TRIP12: variants seen among roughly 807,000 people sequenced by gnomAD.
TRIP12 encodes E3 ubiquitin-protein ligase TRIP12.
In TRIP12, 25 loss-of-function variants were observed where a neutral mutation model predicts 244.2. That is an observed-to-expected ratio of 0.10 (90% CI 0.07 to 0.14). The LOEUF is 0.14. TRIP12 is among the 10% of genes least tolerant of loss of function. TRIP12 has a pLI of 1.00. For synonymous variants in TRIP12, 905 were observed against 873.1 expected (o/e 1.04, Z -0.64); for missense variants, 1,677 against 2,486.4 (o/e 0.67, Z 6.92).
intron 39 of TRIP12, 98 bp downstream of exon 39, chr2:229,771,421 T>C (rs1272894627): frequency 1.5e-5 from 14 of 961,114 alleles, no homozygotes; most frequent in Non-Finnish European, 2.0e-5. Context: ...ACCCATTTTT[T>C]TGTTTTTGTG....
chr2:229,879,711 G>A (rs886417970), intron 2 of TRIP12, among the ~76,000 whole-genome samples: 1 of 152,230 alleles, frequency 6.6e-6, no homozygotes, highest in Non-Finnish European at 1.5e-5. Context: ...ACGAAGTGAA[G>A]AGAAAGGGCA....
At chr2:229,783,046 C>T (rs932692615) in intron 34 of TRIP12, among the ~76,000 whole-genome samples, 18 of 152,178 alleles carry the variant, frequency 1.2e-4, no homozygotes, top group Admixed American at 3.9e-4. Flanking sequence ...ATTTTATTCA[C>T]GGATGATATA....
At chr2:229,880,262 T>C (rs541660712) in intron 1 of TRIP12, 134 bp from the exon 2 acceptor site, 24 of 609,676 alleles carry the variant, frequency 3.9e-5, no homozygotes, top group Admixed American at 1.2e-4. Flanking sequence ...CATGCTGCAA[T>C]GTCTCACTGA....
At chr2:229,854,879 G>A (rs917084491) in intron 4 of TRIP12, among the ~76,000 whole-genome samples, 2 of 152,016 alleles carry the variant, frequency 1.3e-5, no homozygotes, top group African/African-American at 2.4e-5. Flanking sequence ...GTTTTAACTC[G>A]GCTTTGTCAC....
intron 2 of TRIP12, among the ~76,000 whole-genome samples, chr2:229,870,577 G>C (rs913846164): frequency 2.6e-5 from 4 of 152,128 alleles, no homozygotes; most frequent in Admixed American, 2.6e-4. Flanking sequence ...TTGAAAGACT[G>C]GCAGAATTTC....
At position 229,778,381 on chromosome 2, in the gene TRIP12, G is replaced by A; in HGVS notation, c.5364+52C>T. 3 of 1,605,938 alleles carry A rather than the reference G, an allele frequency of 1.9e-6. No individual in the cohort carries two copies. The highest frequency in any genetic ancestry group is 2.6e-6 in the Non-Finnish European group (3 of 1,174,038). On this transcript the variant is annotated intron_variant, in intron 36 of 41. Coordinates refer to ENST00000675903, the MANE Select transcript of TRIP12 (RefSeq NM_001348323.3). The surrounding 1 kb of genome is among the most constrained non-coding windows in gnomAD (Gnocchi z 4.1). ...TAAACTACAGGGGACTGAGGTACTT[G>A]CACAGAACATTCTACACCAAAACTG...
At chr2:229,923,010 GA>G, upstream of TRIP12, 1 of 174,440 alleles carries the variant, frequency 5.7e-6, no homozygotes. Flanking sequence ...CTAGGGAGGG[GA>G]AAAGGAGATT....
Position 229,798,863 on chromosome 2 carries a change from C to T in TRIP12, c.3482+12G>A, listed in dbSNP as rs1411789986. On this transcript the variant is annotated intron_variant, in intron 23 of 41. Coordinates refer to ENST00000675903, the MANE Select transcript of TRIP12 (RefSeq NM_001348323.3). ...TGGGAATAGAAGAAACATAAAACTC[C>T]CCCCACTTCACCTATTATTGGAGAT... is the stretch of plus-strand genomic sequence containing the variant. 8 of 1,609,562 alleles carry T rather than the reference C, an allele frequency of 5.0e-6. No homozygotes were observed. Among genetic ancestry groups the T allele is most frequent in the Non-Finnish European group, 6.8e-6 (8 of 1,178,644 alleles).
Position 229,803,591 on chromosome 2 carries a change from C to A in TRIP12, c.2978G>T (p.Ser993Ile). The A allele has an allele frequency of 6.2e-7, 1 of 1,609,676 alleles. No homozygotes were observed. Residue 993 changes from serine to isoleucine, a missense_variant, in exon 20 of 42, where the codon AGT (serine) becomes ATT (isoleucine). This residue lies in a region of TRIP12 where 572 missense variants were observed against 867.8 expected (regional missense o/e 0.66). Transcript: ENST00000675903. ...ILMQKLPDIF[S>I]VYFRREGVMH... Reference sequence around the variant, plus strand: ...ATTACCTTCTCTTCTGAAGTAAACACTAAAAATATCAGGTAACTTCTGCAT... The same window carrying A: ...ATTACCTTCTCTTCTGAAGTAAACAATAAAAATATCAGGTAACTTCTGCAT...
intron 37 of TRIP12, among the ~76,000 whole-genome samples, chr2:229,774,675 C>T (rs533426972): frequency 3.4e-4 from 51 of 152,050 alleles, no homozygotes; most frequent in African/African-American, 1.2e-3. Context: ...GTTGGGAAAT[C>T]GTAAATATAA....
chr2:229,915,024 G>A (rs1335112439), intron 1 of TRIP12, among the ~76,000 whole-genome samples: 1 of 152,154 alleles, frequency 6.6e-6, no homozygotes, highest in Non-Finnish European at 1.5e-5. Context: ...AGACCAAGGC[G>A]GGTGTATCAC....
At chr2:229,903,623 C>A (rs2071727780) in intron 1 of TRIP12, among the ~76,000 whole-genome samples, 1 of 152,036 alleles carries the variant, frequency 6.6e-6, no homozygotes, top group African/African-American at 2.4e-5. Context: ...AGAGCCACAT[C>A]CTGCACAAGG....
chr2:229,778,574 C>T lies in TRIP12; in HGVS notation c.5223G>A (p.Gly1741=). Residue 1741 remains glycine, a synonymous_variant, in exon 36 of 42, where the codon GGG becomes GGA. Coordinates refer to ENST00000675903, the MANE Select transcript of TRIP12 (RefSeq NM_001348323.3). The surrounding 1 kb of genome is among the most constrained non-coding windows in gnomAD (Gnocchi z 4.1). ...TLSNPKGSQE[G]TKYIQNLQGL... Reference sequence around the variant, plus strand: ...CCTGGAGGTTTTGAATATACTTGGTCCCTTCTTGGCTCCCTGAAAAACAAG... The same window carrying T: ...CCTGGAGGTTTTGAATATACTTGGTTCCTTCTTGGCTCCCTGAAAAACAAG... The T allele has an allele frequency of 6.2e-7, 1 of 1,611,096 alleles. No homozygotes were observed. The highest frequency in any genetic ancestry group is 2.2e-5 in the East Asian group (1 of 44,858).
chr2:229,898,958 C>G (rs1282594662), intron 1 of TRIP12, among the ~76,000 whole-genome samples: 3 of 152,184 alleles, frequency 2.0e-5, no homozygotes, highest in African/African-American at 7.2e-5. Flanking sequence ...CAACCTTGGC[C>G]TCCCAAAGCA....
intron 1 of TRIP12, among the ~76,000 whole-genome samples, chr2:229,886,827 T>C (rs1430836017): frequency 6.6e-6 from 1 of 152,130 alleles, no homozygotes; most frequent in African/African-American, 2.4e-5. Context: ...ATGGAAAAAA[T>C]ACAAGATTTA....
chr2:229,845,166 C>T (rs954213890), intron 4 of TRIP12, among the ~76,000 whole-genome samples: 2 of 152,308 alleles, frequency 1.3e-5, no homozygotes, highest in East Asian at 1.9e-4. Flanking sequence ...ATTGCAAGTG[C>T]TATCTTCATT....
chr2:229,865,549 A>C (rs559770761), intron 2 of TRIP12, among the ~76,000 whole-genome samples: 2 of 148,756 alleles, frequency 1.3e-5, no homozygotes, highest in African/African-American at 4.9e-5. Context: ...CATGTATTAC[A>C]TAATATACAT....
chr2:229,869,433 T>C (rs1169883207), intron 2 of TRIP12, among the ~76,000 whole-genome samples: 3 of 152,158 alleles, frequency 2.0e-5, no homozygotes, highest in Admixed American at 6.5e-5. Context: ...ACAAATATAG[T>C]TGACATATAC....
At chr2:229,808,067 G>C (rs2046323912) in intron 16 of TRIP12, among the ~76,000 whole-genome samples, 185 bp downstream of exon 16, 1 of 151,956 alleles carries the variant, frequency 6.6e-6, no homozygotes, top group African/African-American at 2.4e-5. Context: ...CCAGGTTCAA[G>C]CAATTTCTCC....
Sources: gnomAD v4.1 joint callset for allele counts (sites outside exome capture counted in the v4.1 genomes callset) on GRCh38, gnomAD v4.1.1 for gene constraint, gnomAD v4.1.1 regional missense constraint, Gnocchi (gnomAD v3.1) non-coding constraint, MANE v1.5 for transcripts, NCBI Gene and HGNC (gene_info 2026-07-23, HGNC 2026-07-21) for gene names.